DPYSL2: variants seen among roughly 807,000 people sequenced by gnomAD.
The protein encoded by DPYSL2 is dihydropyrimidinase-related protein 2.
DPYSL2 carries 13 observed loss-of-function variants against 69.9 expected under a neutral mutation model. The ratio of observed to expected loss-of-function variants is 0.19; its 90% CI spans 0.12 to 0.30. The LOEUF (loss-of-function observed/expected upper bound fraction) is 0.30. Ranked by LOEUF, DPYSL2 falls within the 10% of genes least tolerant of loss-of-function variation. The pLI is 1.00. For synonymous variants in DPYSL2, 326 were observed against 359.1 expected (o/e 0.91, Z 1.04); for missense variants, 587 against 918.9 (o/e 0.64, Z 4.67).
intron 1 of DPYSL2, among the ~76,000 whole-genome samples, chr8:26,569,237 A>G (rs1459294052): frequency 6.6e-6 from 1 of 152,024 alleles, no homozygotes; most frequent in African/African-American, 2.4e-5. Flanking sequence ...GCATGCCTGT[A>G]GTCCCAGTTA....
chr8:26,579,413 T>C (rs189338705), intron 1 of DPYSL2, among the ~76,000 whole-genome samples: 11 of 152,306 alleles, frequency 7.2e-5, no homozygotes, highest in African/African-American at 2.2e-4. Flanking sequence ...GGGAAATTCA[T>C]TGTTATATAA....
chr8:26,578,330 C>A (rs1341443913), intron 1 of DPYSL2: 1 of 1,613,826 alleles, frequency 6.2e-7, no homozygotes, highest in Non-Finnish European at 8.5e-7. Context: ...GGTCGGCCAG[C>A]CACCTTTTGT....
chr8:26,573,145 A>C (rs1308834817), intron 1 of DPYSL2, among the ~76,000 whole-genome samples: 1 of 152,210 alleles, frequency 6.6e-6, no homozygotes, highest in Non-Finnish European at 1.5e-5. Flanking sequence ...CGCAGAGAAT[A>C]ATAAGCTGTT....
chr8:26,534,708 C>A (rs1800564368), intron 1 of DPYSL2, among the ~76,000 whole-genome samples: 1 of 151,668 alleles, frequency 6.6e-6, no homozygotes, highest in Non-Finnish European at 1.5e-5. Flanking sequence ...TCATAGCTCA[C>A]TGCAGCCTTG....
At chr8:26,540,023 G>A (rs1368868143) in intron 1 of DPYSL2, among the ~76,000 whole-genome samples, 1 of 152,110 alleles carries the variant, frequency 6.6e-6, no homozygotes, top group South Asian at 2.1e-4. Flanking sequence ...TGACCCTAAA[G>A]CAATGAAAAT....
At position 26,634,764 on chromosome 8, in the gene DPYSL2, T is replaced by C. The variant is rs746399465; in HGVS notation, c.1006-16T>C. ...TGGGCTGAGCCACATTCTCATGCTC[T>C]GCTGCTGTTTTGCAGGTCGAGGCCG... On this transcript the variant is annotated splice_polypyrimidine_tract_variant and intron_variant, in intron 7 of 13. Coordinates refer to ENST00000521913, the MANE Select transcript of DPYSL2 (RefSeq NM_001197293.3). 9.3e-6 allele frequency: 15 copies of C among 1,614,080 alleles called. No homozygotes were observed. The East Asian group carries it at 2.0e-4, about 22-fold the overall frequency.
intron 1 of DPYSL2, among the ~76,000 whole-genome samples, chr8:26,548,923 T>C (rs1800827214): frequency 6.6e-6 from 1 of 151,898 alleles, no homozygotes; most frequent in Non-Finnish European, 1.5e-5. Flanking sequence ...GCGCAGTGGC[T>C]CACGCCTATA....
At chr8:26,590,080 C>T (rs975532557) in intron 3 of DPYSL2, among the ~76,000 whole-genome samples, 1 of 152,214 alleles carries the variant, frequency 6.6e-6, no homozygotes, top group East Asian at 1.9e-4. Flanking sequence ...CGTGTGAACG[C>T]ATGCACACAC....
Position 26,652,478 on chromosome 8 carries a change from A to G in DPYSL2, c.1776+42A>G, listed in dbSNP as rs1563200622. 4.5e-6 allele frequency: 7 copies of G among 1,563,432 alleles called. No individual in the cohort carries two copies. The highest frequency in any genetic ancestry group is 1.7e-4 in the Middle Eastern group (1 of 5,834). ...TGATGAATTTTTTGTTAAATCACGA[A>G]TTAAGTTCAAGGCCACAAACATTTA... is the stretch of plus-strand genomic sequence containing the variant. On this transcript the variant is annotated intron_variant, in intron 12 of 13. Coordinates refer to ENST00000521913, the MANE Select transcript of DPYSL2 (RefSeq NM_001197293.3). This position sits in a 1 kb window ranked among gnomAD's most constrained non-coding sequence, Gnocchi z 6.3.
In DPYSL2 at chr8:26,655,869, A is replaced by G. The variant is rs1585578495; in HGVS notation, c.*163A>G. ...CATGGGGTCCCCCTTGGGGCCCCACACCCCGTCTCTCACCAAGAGTTACTG... is the reference window on the plus strand; with the variant it reads ...CATGGGGTCCCCCTTGGGGCCCCACGCCCCGTCTCTCACCAAGAGTTACTG... On this transcript the variant is annotated 3_prime_UTR_variant, in exon 14 of 14. Transcript: ENST00000521913. 1.9e-6 allele frequency: 1 copy of G among 538,484 alleles called. No homozygotes were observed. The highest frequency in any genetic ancestry group is 3.1e-6 in the Non-Finnish European group (1 of 325,640). The allele number at this position is 538,484 out of a possible 1,614,324, so 33.4% of individuals were successfully genotyped here. A position where few individuals can be genotyped will look rare whatever the true frequency, so the allele number is the denominator to read the frequency against.
rs1359605573 is a variant in DPYSL2, at chr8:26,533,723, G to C, written c.354+19044G>C. ...AGGCTGCATCGGGAGTGAAGTCAATGACCACAGCTGTCAAATGTTCTCAGG... is the reference window on the plus strand; with the variant it reads ...AGGCTGCATCGGGAGTGAAGTCAATCACCACAGCTGTCAAATGTTCTCAGG... On this transcript the variant is annotated intron_variant, in intron 1 of 13. Transcript: ENST00000521913. This position sits in a 1 kb window ranked among gnomAD's most constrained non-coding sequence, Gnocchi z 4.8. Among the ~76,000 whole-genome samples, 1 of 152,236 alleles carries C rather than the reference G, an allele frequency of 6.6e-6. No individual in the cohort carries two copies. Among genetic ancestry groups the C allele is most frequent in the Non-Finnish European group, 1.5e-5 (1 of 68,042 alleles).
Position 26,591,284 on chromosome 8 carries a change from T to C in DPYSL2, c.628+7301T>C, listed in dbSNP as rs1341127114. 6.6e-6 allele frequency among the ~76,000 whole-genome samples: 1 copy of C among 151,976 alleles called. No homozygotes were observed. The highest frequency in any genetic ancestry group is 1.5e-5 in the Non-Finnish European group (1 of 67,998). On this transcript the variant is annotated intron_variant, in intron 3 of 13. Transcript: ENST00000521913. The surrounding 1 kb of genome is among the most constrained non-coding windows in gnomAD (Gnocchi z 5.8). ...TGACAGCTGGAACCGGGAGTGGAGG[T>C]GGGGCCCATGGGAATGCTAGGCTCC...
At chr8:26,542,419 T>TA (rs377513784) in intron 1 of DPYSL2, among the ~76,000 whole-genome samples, 1,978 of 151,654 alleles carry the variant, frequency 0.013, 42 homozygotes, top group African/African-American at 0.046. Flanking sequence ...ATTCCCATAT[T>TA]AAAAAAATTT....
In DPYSL2 at chr8:26,534,626, TTTTA is replaced by T. The variant is rs1248441503; in HGVS notation, c.354+19954_354+19957del. 2.6e-5 allele frequency among the ~76,000 whole-genome samples: 4 copies of T among 152,062 alleles called. No homozygotes were observed. The East Asian group carries it at 7.7e-4, about 29-fold the overall frequency. On this transcript the variant is annotated intron_variant, in intron 1 of 13. Coordinates refer to ENST00000521913, the MANE Select transcript of DPYSL2 (RefSeq NM_001197293.3). ...ATATAGGACACACTGTATTTTTTTATTTTATTTATTATTATTATTATTATTTAAG... is the reference window on the plus strand; with the variant it reads ...ATATAGGACACACTGTATTTTTTTATTTTATTATTATTATTATTATTTAAG...
intron 3 of DPYSL2, among the ~76,000 whole-genome samples, chr8:26,584,900 T>C (rs903949523): frequency 9.2e-5 from 14 of 152,154 alleles, no homozygotes; most frequent in Non-Finnish European, 2.1e-4. Flanking sequence ...ATTACAGGCA[T>C]GAGCCACCGT....
rs1215564901 is a variant in DPYSL2, at chr8:26,577,991, C to CT, written c.355-3978_355-3977insT. 28 of 1,297,270 alleles carry CT rather than the reference C, an allele frequency of 2.2e-5. No homozygotes were observed. In the African/African-American group the frequency reaches 4.8e-4, roughly 22 times the overall value. The allele number at this position is 1,297,270 out of a possible 1,614,324, so 80.4% of individuals were successfully genotyped here. A position where few individuals can be genotyped will look rare whatever the true frequency, so the allele number is the denominator to read the frequency against. Reference sequence around the variant, plus strand: ...CCCCTTCCCTCCTGTTTCTCTCTCTCCTTCTCTCTCTCTCTCTCTCTCTCT... The same window carrying CT: ...CCCCTTCCCTCCTGTTTCTCTCTCTCTCTTCTCTCTCTCTCTCTCTCTCTCT... On this transcript the variant is annotated intron_variant, in intron 1 of 13. Transcript: ENST00000521913.
At chr8:26,612,649 G>T (rs1160850630) in intron 3 of DPYSL2, among the ~76,000 whole-genome samples, 1 of 152,224 alleles carries the variant, frequency 6.6e-6, no homozygotes, top group Non-Finnish European at 1.5e-5. Flanking sequence ...CTCATTATCT[G>T]ATGCCCTGAA....
chr8:26,595,615 T>A (rs1801843314), intron 3 of DPYSL2, among the ~76,000 whole-genome samples: 1 of 152,220 alleles, frequency 6.6e-6, no homozygotes, highest in South Asian at 2.1e-4. Flanking sequence ...GCCTTGCAGT[T>A]TGCTGAGCTT....
intron 1 of DPYSL2, among the ~76,000 whole-genome samples, chr8:26,528,845 G>A (rs938722136): frequency 1.3e-5 from 2 of 152,020 alleles, no homozygotes; most frequent in African/African-American, 4.8e-5. Context: ...GAGAGGAAGG[G>A]TAAACAGGTT....
Sources: gnomAD v4.1 joint callset for allele counts (sites outside exome capture counted in the v4.1 genomes callset) on GRCh38, gnomAD v4.1.1 for gene constraint, Gnocchi (gnomAD v3.1) non-coding constraint, MANE v1.5 for transcripts, NCBI Gene and HGNC (gene_info 2026-07-23, HGNC 2026-07-21) for gene names.